Variants in SI observed in about 807,000 individuals in gnomAD.
The protein encoded by SI is sucrase-isomaltase.
In SI, 235 loss-of-function variants were observed where a neutral mutation model predicts 253.3. That is an observed-to-expected ratio of 0.93 (90% CI 0.83 to 1.03). The LOEUF is 1.03. Among genes scored for constraint, SI ranks in the 50% least tolerant of loss-of-function variants. The pLI is 0.00. For synonymous variants in SI, 819 were observed against 712.0 expected (o/e 1.15, Z -2.39); for missense variants, 2,442 against 2,211.1 (o/e 1.10, Z -2.09).
At chr3:164,989,011 A>C (rs1717571244) in intron 44 of SI, among the ~76,000 whole-genome samples, 1 of 151,992 alleles carries the variant, frequency 6.6e-6, no homozygotes, top group Non-Finnish European at 1.5e-5. Flanking sequence ...GGTGCAGCAC[A>C]CCAGGATGGC....
At chr3:165,063,334 T>C (rs1251098969) in intron 8 of SI, 108 bp downstream of exon 8, 1 of 585,816 alleles carries the variant, frequency 1.7e-6, no homozygotes, top group African/African-American at 1.9e-5. Flanking sequence ...TAATATTAAC[T>C]ATAATAGAGT....
At position 165,075,969 on chromosome 3, in the gene SI, AC is replaced by A; in HGVS notation, c.43del (p.Val15SerfsTer5). On this transcript the variant is annotated frameshift_variant, in exon 2 of 48. Coordinates refer to ENST00000264382, the MANE Select transcript of SI (RefSeq NM_001041.4). LOFTEE classifies it high-confidence loss of function. ...TATTATAGTAACTATGACAAAAAGG[AC>A]AATCAGAGAGATTTCCAATCCACTA... ...KFSGLEISLI[V>X]LFVIVTIIAI... is the part of the protein sequence containing the mutation. 6.3e-7 allele frequency: 1 copy of A among 1,598,236 alleles called. No homozygotes were observed. Among genetic ancestry groups the A allele is most frequent in the South Asian group, 1.1e-5 (1 of 89,056 alleles).
chr3:165,045,498 C>G (rs1239165599), intron 16 of SI, among the ~76,000 whole-genome samples: 4 of 151,802 alleles, frequency 2.6e-5, no homozygotes, highest in Admixed American at 6.6e-5. Context: ...ATAAATTGAT[C>G]TATTTTATTA....
intron 22 of SI, among the ~76,000 whole-genome samples, chr3:165,035,643 C>A (rs1226854562): frequency 6.6e-6 from 1 of 151,264 alleles, no homozygotes; most frequent in African/African-American, 2.4e-5. Flanking sequence ...CAAGGATATT[C>A]CTTAATACAC....
chr3:165,011,584 T>G (rs1718769804), intron 34 of SI, among the ~76,000 whole-genome samples: 1 of 152,132 alleles, frequency 6.6e-6, no homozygotes, highest in South Asian at 2.1e-4. Flanking sequence ...TATGGCTGCT[T>G]TTGGGTAGAA....
intron 34 of SI, 46 bp downstream of exon 34, chr3:165,012,934 G>T: frequency 8.5e-7 from 1 of 1,183,086 alleles, no homozygotes; most frequent in Non-Finnish European, 1.3e-6. Flanking sequence ...TCAAGTCTAA[G>T]TTTTGAATTT....
intron 36 of SI, 111 bp downstream of exon 36, chr3:165,007,800 C>T (rs956574563): frequency 1.5e-5 from 5 of 329,238 alleles, no homozygotes; most frequent in African/African-American, 9.0e-5. Context: ...CATATATATT[C>T]TATATATATA....
intron 37 of SI, 25 bp downstream of exon 37, chr3:165,006,791 G>T: frequency 6.3e-7 from 1 of 1,598,932 alleles, no homozygotes; most frequent in Admixed American, 1.7e-5. Flanking sequence ...AAGAGTCAGA[G>T]AGGATAATTC....
intron 19 of SI, 30 bp from the exon 20 acceptor site, chr3:165,039,164 T>C: frequency 2.1e-6 from 3 of 1,453,330 alleles, no homozygotes; most frequent in Non-Finnish European, 2.9e-6. Context: ...TATTTTTTAA[T>C]TTCAATTTTT....
intron 3 of SI, among the ~76,000 whole-genome samples, chr3:165,072,144 T>C (rs1425601237): frequency 6.6e-6 from 1 of 152,084 alleles, no homozygotes; most frequent in Non-Finnish European, 1.5e-5. Flanking sequence ...TATGAAAACC[T>C]AAGATAAATC....
At chr3:165,001,794 A>T (rs1718266944) in intron 37 of SI, among the ~76,000 whole-genome samples, 1 of 151,314 alleles carries the variant, frequency 6.6e-6, no homozygotes, top group African/African-American at 2.4e-5. Context: ...TTTTTCATAG[A>T]CTAGTTTTTG....
At chr3:165,020,891 A>C (rs1295152216) in intron 27 of SI, among the ~76,000 whole-genome samples, 1 of 151,656 alleles carries the variant, frequency 6.6e-6, no homozygotes, top group East Asian at 1.9e-4. Context: ...TAAAATATTT[A>C]CTTCACTTGT....
At chr3:165,005,956 A>G (rs776289300) in intron 37 of SI, among the ~76,000 whole-genome samples, 6 of 152,158 alleles carry the variant, frequency 3.9e-5, no homozygotes, top group Non-Finnish European at 8.8e-5. Context: ...AAGTGCTAAT[A>G]AAGAATTGAT....
chr3:165,057,631 T>C (rs964903775), intron 12 of SI, among the ~76,000 whole-genome samples: 1 of 151,348 alleles, frequency 6.6e-6, no homozygotes, highest in Non-Finnish European at 1.5e-5. Context: ...CCAATATATC[T>C]GGCACAGACT....
At chr3:165,039,223 G>GA in intron 19 of SI, 89 bp from the exon 20 acceptor site, 1 of 834,894 alleles carries the variant, frequency 1.2e-6, no homozygotes, top group Non-Finnish European at 2.0e-6. Flanking sequence ...ATAGTCAAGG[G>GA]AAAAAAACTT....
intron 1 of SI, 47 bp downstream of exon 1, chr3:165,078,386 A>G (rs1019457930): frequency 3.3e-5 from 5 of 152,112 alleles, no homozygotes; most frequent in African/African-American, 1.2e-4. Flanking sequence ...AAATATAATT[A>G]GTTGAAAACA....
At chr3:164,990,898 T>TA (rs539924822) in intron 44 of SI, among the ~76,000 whole-genome samples, 1,942 of 147,634 alleles carry the variant, frequency 0.013, 24 homozygotes, top group Middle Eastern at 0.069. Context: ...TAAAGTATAG[T>TA]AAAAAAAAAA....
chr3:165,013,018 T>C lies in SI; in HGVS notation c.4024A>G (p.Thr1342Ala), dbSNP rs1368885684. The C allele has an allele frequency of 6.2e-7, 1 of 1,610,614 alleles. No homozygotes were observed. Among genetic ancestry groups the C allele is most frequent in the Admixed American group, 1.7e-5 (1 of 60,006 alleles). Reference protein sequence around the residue: ...AKVWPDLPNITIDKTLTEDEA... With the variant: ...AKVWPDLPNIAIDKTLTEDEA... ...TCTTCCGTTAGAGTTTTATCTATTG[T>C]TATGTTGGGCAAATCTGGCCAAACC... The change falls in exon 34 of 48, where the codon ACA (threonine) becomes GCA (alanine). Residue 1342 changes from threonine to alanine, a missense_variant. By Grantham distance (58) the Thr-to-Ala change is moderately conservative. Transcript: ENST00000264382.
chr3:165,017,524 T>C, intron 31 of SI, 24 bp downstream of exon 31: 10 of 1,602,658 alleles, frequency 6.2e-6, no homozygotes, highest in Non-Finnish European at 8.5e-6. Context: ...ATATTTAACA[T>C]TGTTTTAAAA....
Sources: gnomAD v4.1 joint callset for allele counts (sites outside exome capture counted in the v4.1 genomes callset) on GRCh38, gnomAD v4.1.1 for gene constraint, MANE v1.5 for transcripts, NCBI Gene and HGNC (gene_info 2026-07-23, HGNC 2026-07-21) for gene names.